ACYP2: variants seen among roughly 807,000 people sequenced by gnomAD.
ACYP2 encodes acylphosphatase 2.
Under a neutral mutation model 11.2 loss-of-function variants are expected in ACYP2, and 12 were observed. The ratio of observed to expected loss-of-function variants is 1.08; its 90% CI spans 0.69 to 1.74. The LOEUF is 1.74. ACYP2 is among the 40% of genes most tolerant of loss of function. The probability of loss-of-function intolerance (pLI) is 0.00; values close to 1 mark genes in which losing one functional copy is unlikely to be tolerated. For missense variants in ACYP2, 134 were observed against 101.9 expected (o/e 1.31, Z -1.35); for synonymous variants, 43 against 32.2 (o/e 1.33, Z -1.13).
intron 4 of ACYP2, among the ~76,000 whole-genome samples, chr2:54,062,933 T>G (rs1301951648): frequency 1.3e-5 from 2 of 152,168 alleles, no homozygotes; most frequent in Non-Finnish European, 2.9e-5. Flanking sequence ...TATTAAAGGC[T>G]TAAGAATTCG....
intron 4 of ACYP2, among the ~76,000 whole-genome samples, chr2:54,058,411 A>G (rs2103627016): frequency 6.6e-6 from 1 of 152,082 alleles, no homozygotes; most frequent in Admixed American, 6.6e-5. Context: ...CTATCATTAT[A>G]CACCTATGTC....
At chr2:54,128,657 A>AC (rs963305698) in intron 4 of ACYP2, among the ~76,000 whole-genome samples, 6 of 151,984 alleles carry the variant, frequency 3.9e-5, no homozygotes, top group Non-Finnish European at 5.9e-5. Context: ...ACAGAGTGAG[A>AC]CCCCATCTCT....
chr2:54,040,205 G>A (rs1243135884), intron 2 of ACYP2, among the ~76,000 whole-genome samples: 1 of 152,112 alleles, frequency 6.6e-6, no homozygotes, highest in East Asian at 1.9e-4. Flanking sequence ...TCAGATGTGA[G>A]GTGTGAGAGG....
At chr2:53,993,338 T>G (rs1672396984) in intron 2 of ACYP2, among the ~76,000 whole-genome samples, 1 of 150,398 alleles carries the variant, frequency 6.6e-6, no homozygotes, top group African/African-American at 2.5e-5. Context: ...AGGAGTGAAA[T>G]GAAGGAAGGA....
chr2:53,973,506 AC>A (rs946801992), intron 1 of ACYP2, among the ~76,000 whole-genome samples: 2 of 152,158 alleles, frequency 1.3e-5, no homozygotes, highest in Non-Finnish European at 2.9e-5. Context: ...AGATGAATGT[AC>A]TTTGTAATCT....
intron 4 of ACYP2, among the ~76,000 whole-genome samples, chr2:54,066,686 A>G (rs900757536): frequency 2.0e-5 from 3 of 152,200 alleles, no homozygotes; most frequent in South Asian, 2.1e-4. Context: ...AGACATCTCT[A>G]TTTAATAGGG....
intron 4 of ACYP2, chr2:54,080,444 T>C (rs1178496343): frequency 6.6e-6 from 1 of 152,244 alleles, no homozygotes; most frequent in Non-Finnish European, 1.5e-5. Context: ...AATCTTATTA[T>C]AGAAAGAATC....
chr2:54,136,981 G>GA (rs201470998), intron 5 of ACYP2, among the ~76,000 whole-genome samples: 1,637 of 149,762 alleles, frequency 0.011, 28 homozygotes, highest in African/African-American at 0.038. Context: ...CATCTCAGAA[G>GA]AAAAAAAAAG....
At chr2:54,303,360 C>T (rs188157238) in intron 6 of ACYP2, among the ~76,000 whole-genome samples, 9 of 151,806 alleles carry the variant, frequency 5.9e-5, no homozygotes, top group Admixed American at 5.9e-4. Flanking sequence ...GCACCCTCCC[C>T]CCTCCAAAAA....
chr2:54,173,267 G>C (rs997770911), intron 6 of ACYP2, among the ~76,000 whole-genome samples: 18 of 152,146 alleles, frequency 1.2e-4, no homozygotes, highest in Admixed American at 6.5e-5. Flanking sequence ...ATCTCATTGT[G>C]GTTTTGATTT....
chr2:53,979,249 T>C (rs1671636286), intron 2 of ACYP2, among the ~76,000 whole-genome samples: 1 of 152,104 alleles, frequency 6.6e-6, no homozygotes, highest in African/African-American at 2.4e-5. Context: ...CCTAGGCTAA[T>C]GTGTGTGTTT....
intron 6 of ACYP2, among the ~76,000 whole-genome samples, chr2:54,220,075 C>G (rs969325176): frequency 6.6e-6 from 1 of 151,320 alleles, no homozygotes. Flanking sequence ...GCAGTTGATT[C>G]TAAGGGGTCC....
At chr2:53,982,442 A>G (rs1020281956) in intron 2 of ACYP2, among the ~76,000 whole-genome samples, 5 of 152,192 alleles carry the variant, frequency 3.3e-5, no homozygotes, top group Non-Finnish European at 5.9e-5. Flanking sequence ...AGATCGTTAG[A>G]TGAATGACAC....
chr2:54,201,680 T>TTCTTTCTTTCTTTCTC lies in ACYP2; in HGVS notation c.404+62935_404+62936insTTCTTTCTTTCTCTCT, dbSNP rs1395606887. Among the ~76,000 whole-genome samples, 1,018 of 107,152 alleles carry TTCTTTCTTTCTTTCTC rather than the reference T, an allele frequency of 9.5e-3. 10 individuals carry two copies. Among genetic ancestry groups the TTCTTTCTTTCTTTCTC allele is most frequent in the Non-Finnish European group, 0.014 (733 of 51,952 alleles). The allele number at this position is 107,152 out of a possible 152,430, so 70.3% of individuals were successfully genotyped here. On this transcript the variant is annotated intron_variant, in intron 6 of 6. Coordinates refer to ENST00000607452, the MANE Select transcript of ACYP2 (RefSeq NM_001320586.2). Reference sequence around the variant, plus strand: ...TTTCTTTCTTTCTTTCTTTCTTTCTTTCTCTCTCTCTCTCTCTCTTTTTTC... The same window carrying TTCTTTCTTTCTTTCTC: ...TTTCTTTCTTTCTTTCTTTCTTTCTTTCTTTCTTTCTTTCTCTCTCTCTCTCTCTCTCTCTTTTTTC...
intron 6 of ACYP2, among the ~76,000 whole-genome samples, chr2:54,176,354 AC>A (rs1683459666): frequency 6.6e-6 from 1 of 152,162 alleles, no homozygotes; most frequent in Non-Finnish European, 1.5e-5. Context: ...GCCATCTTGA[AC>A]TGTGAGATGG....
intron 6 of ACYP2, among the ~76,000 whole-genome samples, chr2:54,158,287 C>T (rs1682531552): frequency 6.6e-6 from 1 of 151,736 alleles, no homozygotes; most frequent in Admixed American, 6.6e-5. Context: ...GGTGATCCAC[C>T]TGCCTCAGCC....
At chr2:54,190,683 T>C (rs911323120) in intron 6 of ACYP2, among the ~76,000 whole-genome samples, 4 of 152,122 alleles carry the variant, frequency 2.6e-5, no homozygotes, top group African/African-American at 9.7e-5. Context: ...CAGCGTATAG[T>C]GCTTTTCTCC....
intron 2 of ACYP2, among the ~76,000 whole-genome samples, chr2:54,028,511 AC>A (rs967486081): frequency 1.1e-4 from 16 of 152,306 alleles, no homozygotes; most frequent in Admixed American, 3.3e-4. Context: ...TAAAGTCCAG[AC>A]CCACCAAAGA....
At chr2:53,984,081 C>G (rs1004625102) in intron 2 of ACYP2, among the ~76,000 whole-genome samples, 1 of 151,906 alleles carries the variant, frequency 6.6e-6, no homozygotes, top group Non-Finnish European at 1.5e-5. Flanking sequence ...TCATCATCAC[C>G]ATCATCATCA....
Sources: allele counts gnomAD v4.1 joint callset (sites outside exome capture counted in the v4.1 genomes callset), GRCh38; gene constraint gnomAD v4.1.1; transcripts MANE v1.5; gene names NCBI Gene and HGNC (gene_info 2026-07-23, HGNC 2026-07-21).